The following HLCS variants were observed in gnomAD, a reference collection of about 807,000 sequenced individuals.
HLCS encodes the protein biotin--protein ligase.
Under a neutral mutation model 75.0 loss-of-function variants are expected in HLCS, and 53 were observed. The observed-to-expected ratio is 0.71, with a 90% CI of 0.57 to 0.89. The LOEUF (loss-of-function observed/expected upper bound fraction) is 0.89, where lower values mean the gene tolerates loss of function less well. Ranked by LOEUF, HLCS falls within the 40% of genes least tolerant of loss-of-function variation. HLCS has a pLI of 0.00. For missense variants in HLCS, 966 were observed against 1,074.0 expected (o/e 0.90, Z 1.41); for synonymous variants, 431 against 428.6 (o/e 1.01, Z -0.07).
intron 8 of HLCS, among the ~76,000 whole-genome samples, chr21:36,763,354 C>T (rs545224652): frequency 1.8e-4 from 27 of 152,306 alleles, no homozygotes; most frequent in African/African-American, 6.3e-4. Context: ...GAATGCACAG[C>T]TCAGGTGCTC....
chr21:36,780,984 G>A (rs1568999319), intron 6 of HLCS, among the ~76,000 whole-genome samples: 1 of 139,100 alleles, frequency 7.2e-6, no homozygotes, highest in Non-Finnish European at 1.5e-5. Flanking sequence ...AGGCAGGCAG[G>A]TGAGTAAGAA....
At chr21:36,918,619 T>G (rs1169733316) in intron 5 of HLCS, among the ~76,000 whole-genome samples, 6 of 152,220 alleles carry the variant, frequency 3.9e-5, no homozygotes, top group Admixed American at 3.9e-4. Context: ...ACCCAGGACT[T>G]AGCATGCAGA....
At chr21:36,860,784 A>G (rs2063357610) in intron 6 of HLCS, among the ~76,000 whole-genome samples, 1 of 152,252 alleles carries the variant, frequency 6.6e-6, no homozygotes, top group African/African-American at 2.4e-5. Context: ...GTTTAGGGTA[A>G]TAAATGTTTC....
intron 6 of HLCS, among the ~76,000 whole-genome samples, chr21:36,821,803 T>C (rs1391394912): frequency 6.6e-6 from 1 of 152,172 alleles, no homozygotes; most frequent in Non-Finnish European, 1.5e-5. Context: ...AGTTTGAAGA[T>C]GCAAAGTCTA....
intron 4 of HLCS, among the ~76,000 whole-genome samples, chr21:36,934,963 T>G (rs77085354): frequency 6.6e-6 from 1 of 152,196 alleles, no homozygotes; most frequent in African/African-American, 2.4e-5. Flanking sequence ...GCCTTTTTTT[T>G]CTAGGGCAAT....
chr21:36,882,696 C>T (rs1287749681), intron 6 of HLCS, among the ~76,000 whole-genome samples: 4 of 148,766 alleles, frequency 2.7e-5, no homozygotes, highest in Non-Finnish European at 5.9e-5. Flanking sequence ...CTCCTGACCT[C>T]GTGATCCACC....
intron 6 of HLCS, among the ~76,000 whole-genome samples, chr21:36,859,319 C>T (rs2063307989): frequency 6.6e-6 from 1 of 152,200 alleles, no homozygotes; most frequent in South Asian, 2.1e-4. Context: ...CCATGCCTGG[C>T]CAGCTTGGAG....
chr21:36,930,830 C>A (rs1408300957), intron 4 of HLCS, among the ~76,000 whole-genome samples: 4 of 152,138 alleles, frequency 2.6e-5, no homozygotes, highest in Non-Finnish European at 5.9e-5. Flanking sequence ...TCATGGCCAA[C>A]AAAAGAACGA....
At chr21:36,949,069 A>G (rs1422412390) in intron 2 of HLCS, among the ~76,000 whole-genome samples, 2 of 152,082 alleles carry the variant, frequency 1.3e-5, no homozygotes, top group Non-Finnish European at 2.9e-5. Flanking sequence ...ATCCACAGTT[A>G]CCTCCCACCT....
intron 1 of HLCS, among the ~76,000 whole-genome samples, chr21:36,977,042 G>A (rs75714320): frequency 8.9e-4 from 136 of 152,118 alleles, no homozygotes; most frequent in Non-Finnish European, 1.6e-3. Flanking sequence ...CATAGTAGGT[G>A]CTCACTGAAA....
chr21:36,778,433 C>T (rs1021143577), intron 6 of HLCS, among the ~76,000 whole-genome samples: 1 of 152,090 alleles, frequency 6.6e-6, no homozygotes, highest in African/African-American at 2.4e-5. Context: ...GTGTGCACCA[C>T]CATACCCAGC....
At chr21:36,830,193 C>T (rs917814067) in intron 6 of HLCS, among the ~76,000 whole-genome samples, 1 of 152,136 alleles carries the variant, frequency 6.6e-6, no homozygotes, top group African/African-American at 2.4e-5. Flanking sequence ...GCCTCTCTCA[C>T]GGCCTCAGAA....
At chr21:36,754,536 G>GCTGCCTTTTCC in intron 10 of HLCS, 119 bp from the exon 11 acceptor site, 1 of 1,079,266 alleles carries the variant, frequency 9.3e-7, no homozygotes, top group Non-Finnish European at 1.4e-6. Context: ...GCTGAGGCTC[G>GCTGCCTTTTCC]CTGCAGGGAA....
At chr21:36,954,103 C>G (rs531847602) in intron 2 of HLCS, among the ~76,000 whole-genome samples, 2 of 151,870 alleles carry the variant, frequency 1.3e-5, no homozygotes, top group Non-Finnish European at 2.9e-5. Context: ...GTCAAGAGAT[C>G]GAGACCATCC....
intron 6 of HLCS, among the ~76,000 whole-genome samples, chr21:36,814,970 T>C (rs1712262038): frequency 6.6e-6 from 1 of 150,904 alleles, no homozygotes; most frequent in African/African-American, 2.4e-5. Context: ...GGGAAGGCCA[T>C]GTGAGTGTGT....
chr21:36,883,900 C>T (rs1030582892), intron 6 of HLCS, among the ~76,000 whole-genome samples: 9 of 152,264 alleles, frequency 5.9e-5, no homozygotes, highest in Middle Eastern at 3.4e-3. Context: ...CTAGGGGACC[C>T]GGCCACCCAC....
Position 36,750,678 on chromosome 21 carries a change from C to T in HLCS, c.*3568G>A, listed in dbSNP as rs1180531939. Reference sequence around the variant, plus strand: ...TACAGATAAAATGAGATACAAAGAACATTTGCAAATAAATGCCATAAAATT... The same window carrying T: ...TACAGATAAAATGAGATACAAAGAATATTTGCAAATAAATGCCATAAAATT... On this transcript the variant is annotated 3_prime_UTR_variant, in exon 11 of 11. Transcript: ENST00000674895. Among the ~76,000 whole-genome samples the T allele has an allele frequency of 6.6e-6, 1 of 151,510 alleles. No individual in the cohort carries two copies. Among genetic ancestry groups the T allele is most frequent in the Non-Finnish European group, 1.5e-5 (1 of 67,974 alleles).
At chr21:36,921,735 C>G (rs930761515) in intron 5 of HLCS, among the ~76,000 whole-genome samples, 3 of 152,144 alleles carry the variant, frequency 2.0e-5, no homozygotes, top group African/African-American at 7.2e-5. Context: ...CTCCTCTTCA[C>G]CCAGAGCCCC....
upstream of HLCS, among the ~76,000 whole-genome samples, chr21:36,967,263 G>A (rs1323730070): frequency 6.6e-6 from 1 of 152,142 alleles, no homozygotes. Context: ...ATTATACTAA[G>A]CCTTCATGCA....
Sources: gnomAD v4.1 joint callset for allele counts (sites outside exome capture counted in the v4.1 genomes callset) on GRCh38, gnomAD v4.1.1 for gene constraint, MANE v1.5 for transcripts, NCBI Gene and HGNC (gene_info 2026-07-23, HGNC 2026-07-21) for gene names.